Variants in RBFOX1 observed in about 807,000 individuals in gnomAD.
The protein encoded by RBFOX1 is RNA binding fox-1 homolog 1, also known as RNA binding protein fox-1 homolog 1.
RBFOX1 carries 8 observed loss-of-function variants against 57.7 expected under a neutral mutation model. The observed-to-expected ratio is 0.14, with a 90% CI of 0.08 to 0.25. The LOEUF (loss-of-function observed/expected upper bound fraction) is 0.25. Ranked by LOEUF, RBFOX1 falls within the 10% of genes least tolerant of loss-of-function variation. The pLI, the probability that RBFOX1 is intolerant of heterozygous loss-of-function variation, is 1.00. For missense variants in RBFOX1, 611 were observed against 548.5 expected (o/e 1.11, Z -1.14); for synonymous variants, 326 against 222.4 (o/e 1.47, Z -4.15).
intron 2 of RBFOX1, among the ~76,000 whole-genome samples, chr16:6,572,688 G>T (rs1242149060): frequency 6.6e-6 from 1 of 151,976 alleles, no homozygotes; most frequent in Non-Finnish European, 1.5e-5. Context: ...TGCCTCCCGG[G>T]CTCAAGCGAT....
chr16:6,868,894 A>G (rs968649820), intron 3 of RBFOX1, among the ~76,000 whole-genome samples: 1 of 152,170 alleles, frequency 6.6e-6, no homozygotes, highest in African/African-American at 2.4e-5. Context: ...TCATAGGTGG[A>G]TGCTTGAAGT....
chr16:6,941,296 CTCCCTCCTTCCTTCCTTCCT>C (rs1192403711), intron 3 of RBFOX1, among the ~76,000 whole-genome samples: 21 of 64,640 alleles, frequency 3.2e-4, no homozygotes, highest in South Asian at 7.4e-4. Flanking sequence ...CCTTCCCTCC[CTCCCTCCTTCCTTCCTTCCT>C]TCCTTCCTTC....
At chr16:5,343,085 G>A (rs1352690009) in intron 1 of RBFOX1, among the ~76,000 whole-genome samples, 1 of 152,166 alleles carries the variant, frequency 6.6e-6, no homozygotes, top group Non-Finnish European at 1.5e-5. Flanking sequence ...TTAGCTTAGT[G>A]TAAGGCTTAG....
intron 11 of RBFOX1, among the ~76,000 whole-genome samples, chr16:7,632,192 A>C (rs1434501316): frequency 6.6e-6 from 1 of 152,190 alleles, no homozygotes; most frequent in African/African-American, 2.4e-5. Flanking sequence ...TACAGGCGTG[A>C]GCCACTGCCC....
rs1018282295 is a variant in RBFOX1, at chr16:7,034,985, C to G, written c.-15-17072C>G. 3.3e-5 allele frequency among the ~76,000 whole-genome samples: 5 copies of G among 150,360 alleles called. No individual in the cohort carries two copies. In the South Asian group the frequency reaches 8.6e-4, roughly 26 times the overall value. ...TTCCTCAGCCTCTGAGTAGCTGGGCCTACAGGTGCCCACCACCATGCCTGG... is the reference window on the plus strand; with the variant it reads ...TTCCTCAGCCTCTGAGTAGCTGGGCGTACAGGTGCCCACCACCATGCCTGG... On this transcript the variant is annotated intron_variant, in intron 3 of 15. Transcript: ENST00000550418.
At chr16:7,315,792 T>C (rs2096424790) in intron 4 of RBFOX1, among the ~76,000 whole-genome samples, 1 of 152,180 alleles carries the variant, frequency 6.6e-6, no homozygotes, top group Non-Finnish European at 1.5e-5. Flanking sequence ...GTTTGTTCTC[T>C]ATTATTTGAA....
At chr16:5,691,188 T>C (rs2050666786) in intron 3 of RBFOX1, among the ~76,000 whole-genome samples, 2 of 152,234 alleles carry the variant, frequency 1.3e-5, no homozygotes, top group Admixed American at 6.5e-5. Flanking sequence ...GTAATAAATT[T>C]TCTGTTTTGC....
At chr16:6,430,954 G>A (rs1410085389) in intron 2 of RBFOX1, among the ~76,000 whole-genome samples, 2 of 138,582 alleles carry the variant, frequency 1.4e-5, no homozygotes, top group Non-Finnish European at 3.1e-5. Context: ...AACATAGTGA[G>A]TCCTCATCTC....
chr16:7,065,002 C>T (rs772807271), intron 4 of RBFOX1, among the ~76,000 whole-genome samples: 1 of 152,136 alleles, frequency 6.6e-6, no homozygotes, highest in African/African-American at 2.4e-5. Flanking sequence ...TACAACAAAT[C>T]AGATGGACGC....
At chr16:6,525,968 G>A (rs982693280) in intron 2 of RBFOX1, among the ~76,000 whole-genome samples, 1 of 152,158 alleles carries the variant, frequency 6.6e-6, no homozygotes, top group Non-Finnish European at 1.5e-5. Context: ...CTGAATGCGG[G>A]AAGTAAAGGT....
chr16:7,452,393 C>CTATGAATGG (rs1303490867), intron 4 of RBFOX1, among the ~76,000 whole-genome samples: 25 of 152,296 alleles, frequency 1.6e-4, no homozygotes, highest in Non-Finnish European at 3.4e-4. Flanking sequence ...GGTGCATCCC[C>CTATGAATGG]CACCTGCCTA....
Position 7,424,735 on chromosome 16 carries a change from G to C in RBFOX1, c.28-93412G>C, listed in dbSNP as rs75894103. On this transcript the variant is annotated intron_variant, in intron 4 of 15. Coordinates refer to ENST00000550418, the MANE Select transcript of RBFOX1 (RefSeq NM_018723.4). ...TACAATTTCAGCTTTGACAGTTTGG[G>C]ATCATAGTATTATCCTAAAAGCAAG... is the stretch of plus-strand genomic sequence containing the variant. Among the ~76,000 whole-genome samples the C allele has an allele frequency of 7.9e-3, 1,207 of 152,242 alleles. 19 individuals are homozygous for C. Among genetic ancestry groups the C allele is most frequent in the African/African-American group, 0.028 (1,142 of 41,526 alleles).
At chr16:5,696,751 C>T (rs1420471705) in intron 3 of RBFOX1, among the ~76,000 whole-genome samples, 1 of 152,152 alleles carries the variant, frequency 6.6e-6, no homozygotes, top group Non-Finnish European at 1.5e-5. Flanking sequence ...TCTATGAATA[C>T]AGTATGTCTT....
intron 1 of RBFOX1, among the ~76,000 whole-genome samples, chr16:6,091,900 T>C (rs146248793): frequency 2.4e-3 from 361 of 152,318 alleles, no homozygotes; most frequent in African/African-American, 8.4e-3. Context: ...GCTTTTACTT[T>C]TGCTTCTGCT....
rs185645786 is a variant in RBFOX1, at chr16:6,651,470, T to C, written c.-63-3133T>C. On this transcript the variant is annotated intron_variant, in intron 2 of 15. Transcript: ENST00000550418. ...TAGCCCCCAAATTTTTCTCCCTACT[T>C]AAATTTGTAACCCCTGACTGCCGGT... 1.1e-3 allele frequency among the ~76,000 whole-genome samples: 164 copies of C among 152,260 alleles called. 1 individual carries two copies. The highest frequency in any genetic ancestry group is 1.8e-4 in the Non-Finnish European group (12 of 68,022).
At chr16:6,861,791 C>T (rs895586744) in intron 3 of RBFOX1, among the ~76,000 whole-genome samples, 1 of 149,170 alleles carries the variant, frequency 6.7e-6, no homozygotes, top group Non-Finnish European at 1.5e-5. Context: ...CACGTTCATA[C>T]ACTCCCCCTC....
At chr16:5,931,930 C>A (rs1425613421) in intron 4 of RBFOX1, among the ~76,000 whole-genome samples, 2 of 152,198 alleles carry the variant, frequency 1.3e-5, no homozygotes, top group African/African-American at 2.4e-5. Flanking sequence ...ACTTCAGCCT[C>A]CCAAGTAGCT....
chr16:7,473,515 T>C (rs182471214), intron 4 of RBFOX1, among the ~76,000 whole-genome samples: 141 of 148,396 alleles, frequency 9.5e-4, no homozygotes, highest in African/African-American at 3.1e-3. Context: ...ATATGTATTA[T>C]ATATATAATA....
intron 2 of RBFOX1, among the ~76,000 whole-genome samples, chr16:6,435,049 C>T (rs2094196160): frequency 1.3e-5 from 2 of 152,202 alleles, no homozygotes; most frequent in African/African-American, 2.4e-5. Flanking sequence ...GCCCACATTC[C>T]TCATTAATTC....
Sources: gnomAD v4.1 joint callset for allele counts (sites outside exome capture counted in the v4.1 genomes callset) on GRCh38, gnomAD v4.1.1 for gene constraint, MANE v1.5 for transcripts, NCBI Gene and HGNC (gene_info 2026-07-23, HGNC 2026-07-21) for gene names.